Variants in KCNIP1 observed in about 807,000 individuals in gnomAD.
The protein encoded by KCNIP1 is potassium voltage-gated channel interacting protein 1.
Under a neutral mutation model 33.0 loss-of-function variants are expected in KCNIP1, and 18 were observed. The observed-to-expected ratio is 0.55, with a 90% CI of 0.38 to 0.81. The LOEUF is 0.81. Among genes scored for constraint, KCNIP1 ranks in the 30% least tolerant of loss-of-function variants. KCNIP1 has a pLI of 0.00. For missense variants in KCNIP1, 238 were observed against 271.6 expected (o/e 0.88, Z 0.87); for synonymous variants, 93 against 98.3 (o/e 0.95, Z 0.32).
chr5:170,517,574 G>GACAATGGTGATGGTGGTA (rs1219598853), intron 1 of KCNIP1, among the ~76,000 whole-genome samples: 2 of 151,920 alleles, frequency 1.3e-5, no homozygotes, highest in African/African-American at 4.8e-5. Context: ...TGGTGGTGGT[G>GACAATGGTGATGGTGGTA]GTGACAATGG....
At chr5:170,397,304 T>C (rs561485078) in intron 1 of KCNIP1, among the ~76,000 whole-genome samples, 19 of 152,306 alleles carry the variant, frequency 1.2e-4, no homozygotes, top group African/African-American at 4.6e-4. Flanking sequence ...TTTGGTTGAA[T>C]CCAACTGGTA....
chr5:170,413,928 T>TAAAA (rs3051750), intron 1 of KCNIP1, among the ~76,000 whole-genome samples: 1 of 138,318 alleles, frequency 7.2e-6, no homozygotes, highest in African/African-American at 2.7e-5. Flanking sequence ...GAGTGGAAGT[T>TAAAA]AAAAAAAAAA....
At chr5:170,578,151 C>T (rs1449408989) in intron 1 of KCNIP1, among the ~76,000 whole-genome samples, 1 of 152,298 alleles carries the variant, frequency 6.6e-6, no homozygotes, top group East Asian at 1.9e-4. Context: ...AGATGAAAGG[C>T]TCTCACCTTC....
chr5:170,683,755 A>G (rs1485542615), intron 1 of KCNIP1, among the ~76,000 whole-genome samples: 1 of 149,690 alleles, frequency 6.7e-6, no homozygotes, highest in Non-Finnish European at 1.5e-5. Flanking sequence ...ACTAAATCTC[A>G]CTCTATCACC....
upstream of KCNIP1, among the ~76,000 whole-genome samples, chr5:170,500,726 G>A (rs1382814877): frequency 6.6e-6 from 1 of 152,162 alleles, no homozygotes; most frequent in Non-Finnish European, 1.5e-5. Context: ...GCATTGTACA[G>A]TGGGCACGTG....
chr5:170,465,242 A>AAGAG (rs1756584333), intron 1 of KCNIP1, among the ~76,000 whole-genome samples: 1 of 152,194 alleles, frequency 6.6e-6, no homozygotes, highest in Admixed American at 6.5e-5. Flanking sequence ...AGATCCTACA[A>AAGAG]TATATCCATT....
At chr5:170,455,682 C>T (rs1478473358) in intron 1 of KCNIP1, among the ~76,000 whole-genome samples, 7 of 152,134 alleles carry the variant, frequency 4.6e-5, no homozygotes, top group Admixed American at 4.6e-4. Flanking sequence ...TTAACATACC[C>T]ATAAGTAACC....
At chr5:170,598,485 T>G (rs994381934) in intron 1 of KCNIP1, among the ~76,000 whole-genome samples, 2 of 152,148 alleles carry the variant, frequency 1.3e-5, no homozygotes, top group Non-Finnish European at 2.9e-5. Context: ...GGCCAACCCA[T>G]TCTCTGTGTG....
intron 5 of KCNIP1, among the ~76,000 whole-genome samples, chr5:170,731,687 C>A (rs1764204110): frequency 7.9e-6 from 1 of 126,364 alleles, no homozygotes. Flanking sequence ...GAGCAAGAAC[C>A]TGTCTCAAAA....
chr5:170,589,816 T>TGCG (rs1443360215), intron 1 of KCNIP1, among the ~76,000 whole-genome samples: 235 of 151,072 alleles, frequency 1.6e-3, no homozygotes, highest in Middle Eastern at 3.4e-3. Flanking sequence ...TGCGGTGCGG[T>TGCG]GTGGTGTGGT....
chr5:170,672,318 A>G (rs1396246908), intron 1 of KCNIP1, among the ~76,000 whole-genome samples: 1 of 152,238 alleles, frequency 6.6e-6, no homozygotes, highest in African/African-American at 2.4e-5. Flanking sequence ...AGGGACTGGC[A>G]TGGTGAGACC....
chr5:170,394,234 G>A (rs1186067676), intron 1 of KCNIP1, among the ~76,000 whole-genome samples: 2 of 152,188 alleles, frequency 1.3e-5, no homozygotes, highest in South Asian at 2.1e-4. Context: ...CGCCTCCTGG[G>A]CCAGGCGGAA....
intron 1 of KCNIP1, among the ~76,000 whole-genome samples, chr5:170,551,986 G>A (rs1434287776): frequency 6.6e-6 from 1 of 150,802 alleles, no homozygotes; most frequent in African/African-American, 2.5e-5. Flanking sequence ...GTGTGAGCGT[G>A]TGTTGTGTGC....
chr5:170,731,642 G>C (rs188170327), intron 5 of KCNIP1, among the ~76,000 whole-genome samples: 199 of 150,738 alleles, frequency 1.3e-3, no homozygotes, highest in African/African-American at 4.8e-3. Flanking sequence ...CTGCAGTGAC[G>C]GGGATTGTGC....
chr5:170,729,937 G>A (rs1261181603), intron 5 of KCNIP1, among the ~76,000 whole-genome samples: 2 of 152,018 alleles, frequency 1.3e-5, no homozygotes, highest in Non-Finnish European at 2.9e-5. Context: ...TCAGGTAATA[G>A]TGCCCCAGAA....
chr5:170,505,816 T>A (rs925296172), intron 1 of KCNIP1, among the ~76,000 whole-genome samples: 1 of 152,180 alleles, frequency 6.6e-6, no homozygotes, highest in African/African-American at 2.4e-5. Flanking sequence ...GATCTCTGGG[T>A]GCAGATCTTA....
chr5:170,554,113 G>A (rs1027890747), intron 1 of KCNIP1, among the ~76,000 whole-genome samples: 13 of 152,036 alleles, frequency 8.6e-5, no homozygotes, highest in Admixed American at 6.5e-4. Context: ...TAAGAACCTG[G>A]ATGGACAGAT....
At chr5:170,556,424 C>T (rs1756849152) in intron 1 of KCNIP1, among the ~76,000 whole-genome samples, 1 of 152,228 alleles carries the variant, frequency 6.6e-6, no homozygotes, top group African/African-American at 2.4e-5. Flanking sequence ...ACTGTGTGCC[C>T]TTTGGCCCAG....
At chr5:170,649,519 G>T (rs1056194303) in intron 1 of KCNIP1, among the ~76,000 whole-genome samples, 1 of 152,128 alleles carries the variant, frequency 6.6e-6, no homozygotes, top group Non-Finnish European at 1.5e-5. Context: ...GCATTTGGGT[G>T]CAGGCTCTGT....
Sources: allele counts gnomAD v4.1 joint callset (sites outside exome capture counted in the v4.1 genomes callset), GRCh38; gene constraint gnomAD v4.1.1; transcripts MANE v1.5; gene names NCBI Gene and HGNC (gene_info 2026-07-23, HGNC 2026-07-21).